DACH2: variants seen among roughly 807,000 people sequenced by gnomAD.
The protein encoded by DACH2 is dachshund homolog 2.
A neutral mutation model predicts 35.8 loss-of-function variants in DACH2; 17 were observed. That is an observed-to-expected ratio of 0.48 (90% CI 0.33 to 0.71). The LOEUF (loss-of-function observed/expected upper bound fraction) is 0.71. DACH2 is among the 30% of genes least tolerant of loss of function. The pLI, the probability that DACH2 is intolerant of heterozygous loss-of-function variation, is 0.02. For synonymous variants in DACH2, 195 were observed against 177.3 expected (o/e 1.10, Z -0.79); for missense variants, 469 against 472.7 (o/e 0.99, Z 0.07).
At position 86,558,252 on chromosome X, in the gene DACH2, C is replaced by T. The variant is rs1219535912; in HGVS notation, c.640+43861C>T. Among the ~76,000 whole-genome samples, 204 of 50,754 alleles carry T rather than the reference C, an allele frequency of 4.0e-3. 17 individuals are homozygous for T. The highest frequency in any genetic ancestry group is 6.0e-3 in the South Asian group (7 of 1,162). 44.1% of individuals were successfully genotyped at this position (50,754 alleles called of 115,157 possible). A position where few individuals can be genotyped will look rare whatever the true frequency, so the allele number is the denominator to read the frequency against. ...ATGCGGGATTACATTTATTGATTTG[C>T]GTATATTGAACCAGCCTTGCATCCC... is the stretch of plus-strand genomic sequence containing the variant. On this transcript the variant is annotated intron_variant, in intron 3 of 11. Coordinates refer to ENST00000373125, the MANE Select transcript of DACH2 (RefSeq NM_053281.3).
chrX:86,295,287 T>C (rs1021593846), intron 1 of DACH2, among the ~76,000 whole-genome samples: 8 of 111,811 alleles, frequency 7.2e-5, no homozygotes, highest in African/African-American at 2.6e-4. Flanking sequence ...TCGCGCACGG[T>C]GCGCGCACCC....
rs2041442096 is a variant in DACH2, at chrX:86,724,403, A to C, written c.1104+9683A>C. Reference sequence around the variant, plus strand: ...ATCAGTATGGTGGGGAGGAATTATCAGTGTTTGCTTGTCTGGGAAATCTTT... The same window carrying C: ...ATCAGTATGGTGGGGAGGAATTATCCGTGTTTGCTTGTCTGGGAAATCTTT... On this transcript the variant is annotated intron_variant, in intron 6 of 11. Transcript: ENST00000373125. Among the ~76,000 whole-genome samples the C allele has an allele frequency of 2.7e-5, 3 of 111,868 alleles. No homozygotes were observed. In the South Asian group the frequency reaches 1.1e-3, roughly 41 times the overall value.
At chrX:86,601,024 C>T (rs1282362630) in intron 3 of DACH2, among the ~76,000 whole-genome samples, 1 of 111,414 alleles carries the variant, frequency 9.0e-6, no homozygotes, top group Non-Finnish European at 1.9e-5. Context: ...AGGACATAGG[C>T]AATAGACAAG....
chrX:86,391,282 TAAAAAAAAAAAAAAAAAAAAAAAAA>T (rs55941702), intron 2 of DACH2, among the ~76,000 whole-genome samples: 2 of 21,428 alleles, frequency 9.3e-5, no homozygotes, highest in Non-Finnish European at 1.6e-4. Flanking sequence ...GGCTCTGTCT[TAAAAAAAAAAAAAAAAAAAAAAAAA>T]AAAAAAAAAA....
chrX:86,331,495 C>G (rs2035212910), intron 1 of DACH2, among the ~76,000 whole-genome samples: 1 of 110,573 alleles, frequency 9.0e-6, no homozygotes, highest in African/African-American at 3.3e-5. Flanking sequence ...AACAAAAAAA[C>G]AGAAGTAAGC....
At chrX:86,361,771 T>C (rs1325636669) in intron 1 of DACH2, among the ~76,000 whole-genome samples, 1 of 111,536 alleles carries the variant, frequency 9.0e-6, no homozygotes, top group East Asian at 2.8e-4. Context: ...GAATTACAAA[T>C]ATTTCGAAAT....
intron 6 of DACH2, 95 bp from the exon 7 acceptor site, chrX:86,739,652 T>C: frequency 2.9e-6 from 3 of 1,027,248 alleles, no homozygotes; most frequent in Non-Finnish European, 4.0e-6. Flanking sequence ...ACTTTCACAA[T>C]AAGTGAGAGG....
chrX:86,185,070 T>C (rs1446793338), intron 1 of DACH2, among the ~76,000 whole-genome samples: 1 of 111,824 alleles, frequency 8.9e-6, no homozygotes, highest in African/African-American at 3.2e-5. Flanking sequence ...GGCATCACTT[T>C]CTTAAAATTC....
intron 1 of DACH2, among the ~76,000 whole-genome samples, chrX:86,223,268 G>A (rs1013268778): frequency 9.0e-6 from 1 of 111,729 alleles, no homozygotes; most frequent in Admixed American, 9.5e-5. Flanking sequence ...TAATCACATT[G>A]CTAGCTTTGT....
At chrX:86,244,909 A>C (rs1332754035) in intron 1 of DACH2, among the ~76,000 whole-genome samples, 2 of 111,860 alleles carry the variant, frequency 1.8e-5, no homozygotes, top group African/African-American at 6.5e-5. Flanking sequence ...GTAACTGGTG[A>C]AATAAGTAAA....
At chrX:86,660,768 C>A (rs2040596648) in intron 4 of DACH2, among the ~76,000 whole-genome samples, 1 of 111,129 alleles carries the variant, frequency 9.0e-6, no homozygotes, top group African/African-American at 3.3e-5. Context: ...ATCTAAAAAT[C>A]AAAATAATAG....
intron 3 of DACH2, among the ~76,000 whole-genome samples, chrX:86,552,716 A>T (rs1030821159): frequency 9.0e-6 from 1 of 111,414 alleles, no homozygotes; most frequent in South Asian, 3.8e-4. Flanking sequence ...TACACATAGA[A>T]CCTAGAGCCA....
intron 3 of DACH2, among the ~76,000 whole-genome samples, chrX:86,607,032 T>G (rs932705965): frequency 1.8e-5 from 2 of 112,055 alleles, no homozygotes; most frequent in African/African-American, 6.5e-5. Context: ...TTTTATGGTT[T>G]CCATTAGCAT....
At chrX:86,215,513 G>A (rs1216422005) in intron 1 of DACH2, among the ~76,000 whole-genome samples, 1 of 111,738 alleles carries the variant, frequency 8.9e-6, no homozygotes, top group Non-Finnish European at 1.9e-5. Context: ...GGTAATGTAT[G>A]CATGTGTTAA....
In DACH2 at chrX:86,148,494, C is replaced by A. The variant is rs2030233092; in HGVS notation, c.-127C>A. On this transcript the variant is annotated 5_prime_UTR_variant, in exon 1 of 12. Transcript: ENST00000373125. ...GCGTGAGCCGGCTGCTGAAGACTTG[C>A]GAACAGTTCGGAGCCAGCGAGAGCG... 25 of 804,438 alleles carry A rather than the reference C, an allele frequency of 3.1e-5. No homozygotes were observed. The highest frequency in any genetic ancestry group is 5.7e-5 in the South Asian group (2 of 34,893). The allele number at this position is 804,438 out of a possible 1,213,427, so 66.3% of individuals were successfully genotyped here.
At chrX:86,783,947 A>G (rs191673526) in intron 7 of DACH2, among the ~76,000 whole-genome samples, 1 of 110,906 alleles carries the variant, frequency 9.0e-6, no homozygotes, top group East Asian at 2.9e-4. Flanking sequence ...CAAGATGACT[A>G]TTGTCAATAA....
chrX:86,761,489 C>T (rs758026342), intron 7 of DACH2, among the ~76,000 whole-genome samples: 11 of 111,336 alleles, frequency 9.9e-5, no homozygotes, highest in Non-Finnish European at 1.9e-4. Context: ...GTCAGTGTGG[C>T]GATTCCTCAA....
intron 3 of DACH2, among the ~76,000 whole-genome samples, chrX:86,574,812 C>T (rs1285991938): frequency 9.0e-6 from 1 of 111,130 alleles, no homozygotes; most frequent in East Asian, 2.8e-4. Context: ...TTCCCTAAAC[C>T]TGAACTCTTT....
At chrX:86,469,670 A>G (rs2037731382) in intron 2 of DACH2, among the ~76,000 whole-genome samples, 1 of 110,831 alleles carries the variant, frequency 9.0e-6, no homozygotes, top group East Asian at 2.8e-4. Flanking sequence ...CCCAAATATA[A>G]CGCTGTTGGT....
Sources: allele counts gnomAD v4.1 joint callset (sites outside exome capture counted in the v4.1 genomes callset), GRCh38; gene constraint gnomAD v4.1.1; transcripts MANE v1.5; gene names NCBI Gene and HGNC (gene_info 2026-07-23, HGNC 2026-07-21).